The following AIM2 variants were observed in gnomAD, a reference collection of about 807,000 sequenced individuals.
AIM2 encodes the protein absent in melanoma 2.
Under a neutral mutation model 27.7 loss-of-function variants are expected in AIM2, and 30 were observed. The observed-to-expected ratio is 1.08, with a 90% CI of 0.81 to 1.47. The LOEUF is 1.47. Among genes scored for constraint, AIM2 ranks in the 40% most tolerant of loss-of-function variants. The probability of loss-of-function intolerance (pLI) is 0.00; values close to 1 mark genes in which losing one functional copy is unlikely to be tolerated. For missense variants in AIM2, 358 were observed against 411.3 expected (o/e 0.87, Z 1.12); for synonymous variants, 141 against 145.3 (o/e 0.97, Z 0.21).
At chr1:159,105,590 C>G (rs1657421588) in intron 1 of AIM2, among the ~76,000 whole-genome samples, 1 of 152,142 alleles carries the variant, frequency 6.6e-6, no homozygotes, top group Admixed American at 6.5e-5. Flanking sequence ...AAGTGGGTAG[C>G]TCCTATACAC....
chr1:159,104,618 A>C (rs974539972), intron 1 of AIM2, among the ~76,000 whole-genome samples: 4 of 152,252 alleles, frequency 2.6e-5, no homozygotes, highest in Non-Finnish European at 5.9e-5. Context: ...AGTGATTTTT[A>C]TAGTGATTAC....
At chr1:159,111,698 G>A (rs16841694) in intron 1 of AIM2, among the ~76,000 whole-genome samples, 6,543 of 151,174 alleles carry the variant, frequency 0.043, 366 homozygotes, top group African/African-American at 0.13. Context: ...AATAAGATGG[G>A]GCCAAATGCA....
intron 1 of AIM2, among the ~76,000 whole-genome samples, chr1:159,115,178 A>G (rs560656847): frequency 5.6e-4 from 86 of 152,278 alleles, no homozygotes; most frequent in African/African-American, 2.0e-3. Flanking sequence ...TCAACGAAAT[A>G]AAAGAGGATA....
intron 1 of AIM2, among the ~76,000 whole-genome samples, chr1:159,098,809 A>G (rs149706265): frequency 0.013 from 2,056 of 152,302 alleles, 25 homozygotes; most frequent in South Asian, 0.05. Context: ...AGAATAAACA[A>G]AGGCTCTTTC....
At position 159,112,952 on chromosome 1, in the gene AIM2, A is replaced by AT. The variant is rs930194139; in HGVS notation, c.-16+27478dup. 4.7e-5 allele frequency among the ~76,000 whole-genome samples: 6 copies of AT among 126,396 alleles called. No individual in the cohort carries two copies. The East Asian group carries it at 6.3e-4, about 13-fold the overall frequency. The allele number at this position is 126,396 out of a possible 152,430, so 82.9% of individuals were successfully genotyped here. ...ATACATACATATATATATATATATA[A>AT]TTTTTTTTTTGGGACGGAGTCTCAC... On this transcript the variant is annotated intron_variant, in intron 1 of 2. Transcript: ENST00000368129.
At chr1:159,106,385 G>A (rs1049402945) in intron 1 of AIM2, among the ~76,000 whole-genome samples, 2 of 152,224 alleles carry the variant, frequency 1.3e-5, no homozygotes, top group Non-Finnish European at 2.9e-5. Flanking sequence ...ACATGTAAGT[G>A]TGTAATTCAT....
At chr1:159,147,098 G>A (rs1318694572), upstream of AIM2, 1 of 152,154 alleles carries the variant, frequency 6.6e-6, no homozygotes, top group African/African-American at 2.4e-5. Flanking sequence ...ACCTATATTT[G>A]TTTTACTTCT....
chr1:159,094,662 C>A lies in AIM2; in HGVS notation c.-15-28333G>T, dbSNP rs182262862. 2.4e-4 allele frequency among the ~76,000 whole-genome samples: 36 copies of A among 152,296 alleles called. No individual in the cohort carries two copies. The East Asian group carries it at 6.9e-3, about 29-fold the overall frequency. ...GCAGTGAGCCAAGATTGCATTACTG[C>A]ACTCCAGCCTGGGCGACAGAGCGAG... On this transcript the variant is annotated intron_variant, in intron 1 of 2. Transcript: ENST00000368129.
At chr1:159,075,596 CTATA>C (rs149638835) in intron 1 of AIM2, among the ~76,000 whole-genome samples, 215 of 123,118 alleles carry the variant, frequency 1.7e-3, no homozygotes, top group African/African-American at 6.5e-3. Context: ...GCTATACCTG[CTATA>C]TATATATATA....
At chr1:159,127,844 G>A (rs893603299) in intron 1 of AIM2, among the ~76,000 whole-genome samples, 1 of 152,152 alleles carries the variant, frequency 6.6e-6, no homozygotes, top group Non-Finnish European at 1.5e-5. Flanking sequence ...AAACCACCAG[G>A]TCTGTGGCAC....
In AIM2 at chr1:159,122,635, C is replaced by T. The variant is rs550118187; in HGVS notation, c.-16+17796G>A. On this transcript the variant is annotated intron_variant, in intron 1 of 2. Coordinates refer to the AIM2 transcript ENST00000368129. ...GAAAAACAATGGCACTGAGAAGGAA[C>T]GCAAAGGAACAAAGATCAAAGGCTG... Among the ~76,000 whole-genome samples, 308 of 152,256 alleles carry T rather than the reference C, an allele frequency of 2.0e-3. 1 individual carries two copies. Among genetic ancestry groups the T allele is most frequent in the African/African-American group, 7.1e-3 (296 of 41,556 alleles).
chr1:159,077,072 T>C (rs575880360), upstream of AIM2, among the ~76,000 whole-genome samples: 7 of 152,212 alleles, frequency 4.6e-5, no homozygotes, highest in African/African-American at 1.7e-4. Flanking sequence ...TCAGAGGGTA[T>C]CTAAAAGTGT....
At chr1:159,103,342 T>C (rs1379077781) in intron 1 of AIM2, among the ~76,000 whole-genome samples, 1 of 151,770 alleles carries the variant, frequency 6.6e-6, no homozygotes, top group Admixed American at 6.6e-5. Context: ...CATAGCAGTG[T>C]GAGAACAGGC....
upstream of AIM2, among the ~76,000 whole-genome samples, chr1:159,142,509 C>T (rs1648132884): frequency 6.6e-6 from 1 of 152,102 alleles, no homozygotes; most frequent in Admixed American, 6.5e-5. Flanking sequence ...CCTCACACAG[C>T]CCTCCTGTAT....
Position 159,146,744 on chromosome 1 carries a change from T to A in AIM2, n.87+266A>T, listed in dbSNP as rs1201887604. On this transcript the variant is annotated intron_variant and non_coding_transcript_variant, in intron 1 of 6. Transcript: ENST00000411768. ...TCTCTGTCTCTGCCCCCCTTAGCCA[T>A]CAACCTCAAGGCACTCTGAGCTTCC... Among the ~76,000 whole-genome samples the A allele has an allele frequency of 2.0e-5, 3 of 152,158 alleles. No homozygotes were observed. In the East Asian group the frequency reaches 5.8e-4, roughly 29 times the overall value.
intron 1 of AIM2, among the ~76,000 whole-genome samples, chr1:159,114,635 G>T (rs1286153692): frequency 6.6e-6 from 1 of 152,194 alleles, no homozygotes; most frequent in Non-Finnish European, 1.5e-5. Flanking sequence ...ACTTGAACCC[G>T]GGAGGTGGAT....
intron 4 of AIM2, among the ~76,000 whole-genome samples, chr1:159,063,952 G>C (rs1393091799): frequency 6.6e-6 from 1 of 152,138 alleles, no homozygotes; most frequent in Admixed American, 6.5e-5. Flanking sequence ...TTAATGAATA[G>C]TTAGTATATT....
At chr1:159,116,697 G>A (rs1292685375) in intron 1 of AIM2, among the ~76,000 whole-genome samples, 9 of 151,972 alleles carry the variant, frequency 5.9e-5, no homozygotes, top group Non-Finnish European at 8.8e-5. Context: ...GTAGGGGGAG[G>A]GAGGAGGAAT....
intron 1 of AIM2, chr1:159,081,915 T>C (rs1656786938): frequency 6.6e-6 from 1 of 152,352 alleles, no homozygotes; most frequent in Non-Finnish European, 1.5e-5. Context: ...TTCAATTTCA[T>C]TGATTTCAGC....
Sources: gnomAD v4.1 joint callset for allele counts (sites outside exome capture counted in the v4.1 genomes callset) on GRCh38, gnomAD v4.1.1 for gene constraint, MANE v1.5 for transcripts, NCBI Gene and HGNC (gene_info 2026-07-23, HGNC 2026-07-21) for gene names.